The following CPAMD8 variants were observed in gnomAD, a reference collection of about 807,000 sequenced individuals.
The protein encoded by CPAMD8 is C3 and PZP-like alpha-2-macroglobulin domain-containing protein 8.
In CPAMD8, 146 loss-of-function variants were observed where a neutral mutation model predicts 224.7. The observed-to-expected ratio is 0.65, with a 90% CI of 0.57 to 0.75. CPAMD8 has a LOEUF of 0.75. Among genes scored for constraint, CPAMD8 ranks in the 30% least tolerant of loss-of-function variants. CPAMD8 has a pLI of 0.00. For synonymous variants in CPAMD8, 966 were observed against 1,044.6 expected, an observed-to-expected ratio of 0.92 and a Z score of 1.45; for missense variants, 2,301 against 2,537.5, an observed-to-expected ratio of 0.91 and a Z score of 2.00.
intron 1 of CPAMD8, among the ~76,000 whole-genome samples, chr19:17,024,185 C>T (rs1471398137): frequency 6.6e-6 from 1 of 152,228 alleles, no homozygotes; most frequent in Admixed American, 6.5e-5. Context: ...TGTGTTGTTT[C>T]ATGCACACGA....
intron 27 of CPAMD8, among the ~76,000 whole-genome samples, chr19:16,916,227 AG>A (rs1334248998): frequency 1.1e-4 from 17 of 152,002 alleles, no homozygotes; most frequent in Non-Finnish European, 2.4e-4. Flanking sequence ...TTGCCCAGGC[AG>A]GTCTCGAACT....
chr19:16,954,741 T>C (rs766267211), intron 19 of CPAMD8, among the ~76,000 whole-genome samples: 1 of 152,106 alleles, frequency 6.6e-6, no homozygotes, highest in Non-Finnish European at 1.5e-5. Flanking sequence ...TCCCAGCACT[T>C]TGGGAGGCCG....
intron 13 of CPAMD8, among the ~76,000 whole-genome samples, chr19:16,986,743 G>A (rs947571041): frequency 6.6e-5 from 10 of 152,128 alleles, no homozygotes; most frequent in Admixed American, 1.3e-4. Flanking sequence ...TTTCTGCCAA[G>A]GCTGGGGCTA....
intron 15 of CPAMD8, 72 bp downstream of exon 15, chr19:16,977,296 C>A (rs1195657811): frequency 4.1e-6 from 4 of 968,972 alleles, no homozygotes; most frequent in Non-Finnish European, 6.5e-6. Flanking sequence ...GTGCACAGAC[C>A]CCCTGGCCAG....
At position 16,904,533 on chromosome 19, in the gene CPAMD8, G is replaced by T; in HGVS notation, c.4047C>A (p.Ser1349Arg). The change falls in exon 31 of 42, where the codon AGC becomes AGA. Residue 1349 changes from serine to arginine, a missense_variant. By Grantham distance (110) the Ser-to-Arg change is moderately radical (BLOSUM62 -1). Coordinates refer to ENST00000443236, the MANE Select transcript of CPAMD8 (RefSeq NM_015692.5). ...AIMRDGVTHWSLSNSWDVDKG... is the reference protein window; with the variant it reads ...AIMRDGVTHWRLSNSWDVDKG... ...TGTCCACGTCCCAGGAATTTGACAG[G>T]CTCCAGTGGGTGACCCCATCTGCAA... 1.2e-6 allele frequency: 2 copies of T among 1,613,594 alleles called. No individual in the cohort carries two copies. Among genetic ancestry groups the T allele is most frequent in the East Asian group, 2.2e-5 (1 of 44,880 alleles).
At chr19:16,950,368 A>G (rs59418889) in intron 20 of CPAMD8, among the ~76,000 whole-genome samples, 36,733 of 152,058 alleles carry the variant, frequency 0.24, 4,597 homozygotes, top group African/African-American at 0.28. Flanking sequence ...GCAGAAGTAC[A>G]TGCCCCACCA....
intron 10 of CPAMD8, among the ~76,000 whole-genome samples, chr19:16,999,120 G>A (rs1000465421): frequency 6.6e-6 from 1 of 152,190 alleles, no homozygotes; most frequent in African/African-American, 2.4e-5. Flanking sequence ...GAAATGTCCA[G>A]AACAGGCAAA....
At chr19:16,927,306 C>G (rs1321445117) in intron 25 of CPAMD8, among the ~76,000 whole-genome samples, 5 of 152,070 alleles carry the variant, frequency 3.3e-5, no homozygotes, top group Admixed American at 3.3e-4. Context: ...GGCGAAAACC[C>G]CTTTCACTTG....
At chr19:16,990,448 T>TAGG (rs2055899044) in intron 12 of CPAMD8, among the ~76,000 whole-genome samples, 1 of 151,816 alleles carries the variant, frequency 6.6e-6, no homozygotes, top group African/African-American at 2.4e-5. Context: ...ACTCAGCTAC[T>TAGG]AGGGGAGGCT....
chr19:16,894,721 CAT>C, intron 41 of CPAMD8: 1 of 328,802 alleles, frequency 3.0e-6, no homozygotes, highest in Non-Finnish European at 6.1e-6. Context: ...AAAAGCTACC[CAT>C]AGCACACTAC....
Position 16,897,743 on chromosome 19 carries a change from C to T in CPAMD8, c.5013G>A (p.Leu1671=), listed in dbSNP as rs1162229040. ...CTTCGTTGCACGCGGGTCCGGCGCA[C>T]AGTTCCCGGGCGAGTGGGCTGTGGG... ...VSTHSPLARE[L]CAGPACNEVE... The change falls in exon 39 of 42, where the codon CTG becomes CTA. Residue 1671 remains leucine (L), a synonymous_variant. Transcript: ENST00000443236. 1.3e-6 allele frequency: 2 copies of T among 1,577,730 alleles called. No homozygotes were observed. Among genetic ancestry groups the T allele is most frequent in the Non-Finnish European group, 1.7e-6 (2 of 1,164,748 alleles).
At chr19:16,956,481 A>G (rs904838224) in intron 19 of CPAMD8, among the ~76,000 whole-genome samples, 1 of 151,978 alleles carries the variant, frequency 6.6e-6, no homozygotes, top group Admixed American at 6.6e-5. Context: ...CTACAATGAA[A>G]ATGTTATGAG....
chr19:17,022,894 G>A lies in CPAMD8; in HGVS notation c.93-713C>T, dbSNP rs527438882. Among the ~76,000 whole-genome samples the A allele has an allele frequency of 1.3e-4, 20 of 151,908 alleles. No homozygotes were observed. The South Asian group carries it at 2.3e-3, about 17-fold the overall frequency. On this transcript the variant is annotated intron_variant, in intron 1 of 41. Transcript: ENST00000443236. ...CGGCAGGATCCCACTTCATCCTCAC[G>A]GTGCACCCCGTCCCCCACCACCGTG...
intron 19 of CPAMD8, 48 bp from the exon 20 acceptor site, chr19:16,952,248 T>A: frequency 9.2e-7 from 1 of 1,091,908 alleles, no homozygotes; most frequent in Non-Finnish European, 1.4e-6. Context: ...TCCAGGGCCA[T>A]GCCTCAGGGG....
At chr19:16,970,254 AAAG>A (rs1247431517) in intron 18 of CPAMD8, among the ~76,000 whole-genome samples, 4 of 148,342 alleles carry the variant, frequency 2.7e-5, no homozygotes, top group African/African-American at 9.8e-5. Flanking sequence ...AAAAAAAAAA[AAAG>A]AAAGAAAGAG....
rs3067791 is a variant in CPAMD8, at chr19:16,990,863, CAAAAAAAAAAAA to C, written c.1267-1104_1267-1093del. On this transcript the variant is annotated intron_variant, in intron 12 of 41. Coordinates refer to ENST00000443236, the MANE Select transcript of CPAMD8 (RefSeq NM_015692.5). ...GGGCAATAAGAGCAAAACTCTGTCT[CAAAAAAAAAAAA>C]AAAAAAAAAAAAAAAAAGTTGGCCT... 4.8e-4 allele frequency among the ~76,000 whole-genome samples: 35 copies of C among 73,138 alleles called. 1 individual carries two copies. The highest frequency in any genetic ancestry group is 4.1e-3 in the East Asian group (11 of 2,716). 48.0% of individuals were successfully genotyped at this position (73,138 alleles called of 152,430 possible).
At chr19:16,990,663 G>C (rs999072727) in intron 12 of CPAMD8, among the ~76,000 whole-genome samples, 6 of 151,902 alleles carry the variant, frequency 3.9e-5, no homozygotes, top group Non-Finnish European at 8.8e-5. Flanking sequence ...AGGAGATCGA[G>C]ACCATCCTGG....
At chr19:17,014,842 G>C (rs138633192) in intron 3 of CPAMD8, among the ~76,000 whole-genome samples, 1 of 152,162 alleles carries the variant, frequency 6.6e-6, no homozygotes, top group African/African-American at 2.4e-5. Flanking sequence ...CTATGTGACC[G>C]GTATTTGATG....
intron 11 of CPAMD8, 100 bp from the exon 12 acceptor site, chr19:16,993,686 TC>T: frequency 1.8e-6 from 2 of 1,141,862 alleles, no homozygotes; most frequent in Non-Finnish European, 2.5e-6. Context: ...CCAGCAGGCT[TC>T]TTTGTAGAAA....
Sources: allele counts gnomAD v4.1 joint callset (sites outside exome capture counted in the v4.1 genomes callset), GRCh38; gene constraint gnomAD v4.1.1; transcripts MANE v1.5; gene names NCBI Gene and HGNC (gene_info 2026-07-23, HGNC 2026-07-21).